The following CRADD variants were observed in gnomAD, a reference collection of about 807,000 sequenced individuals.
The protein encoded by CRADD is CARD and death domain containing adaptor protein, also known as death domain-containing protein CRADD.
In CRADD, 9 loss-of-function variants were observed where a neutral mutation model predicts 15.5. The observed-to-expected ratio is 0.58, with a 90% CI of 0.35 to 1.01. The LOEUF is 1.01. Ranked by LOEUF, CRADD falls within the 50% of genes least tolerant of loss-of-function variation. The probability of loss-of-function intolerance (pLI) is 0.02; values close to 1 mark genes in which losing one functional copy is unlikely to be tolerated. For missense variants in CRADD, 227 were observed against 250.3 expected, an observed-to-expected ratio of 0.91 and a Z score of 0.63; for synonymous variants, 118 against 107.6, an observed-to-expected ratio of 1.10 and a Z score of -0.60.
chr12:93,807,963 A>T (rs535248398), intron 2 of CRADD, among the ~76,000 whole-genome samples: 1 of 131,294 alleles, frequency 7.6e-6, no homozygotes, highest in Admixed American at 8.8e-5. Context: ...GGTATGTTAG[A>T]AGATGGTAAG....
intron 2 of CRADD, among the ~76,000 whole-genome samples, chr12:93,827,558 C>G (rs975817880): frequency 6.6e-6 from 1 of 152,110 alleles, no homozygotes; most frequent in East Asian, 1.9e-4. Flanking sequence ...TTTCTTTTCT[C>G]TTTATTAAAC....
At chr12:93,731,872 C>T (rs554274375) in intron 2 of CRADD, among the ~76,000 whole-genome samples, 4 of 152,294 alleles carry the variant, frequency 2.6e-5, no homozygotes, top group African/African-American at 7.2e-5. Context: ...TGTGGTGGCT[C>T]ACGCCTGTAA....
intron 2 of CRADD, among the ~76,000 whole-genome samples, chr12:93,765,577 G>A (rs556900104): frequency 3.4e-4 from 52 of 152,280 alleles, no homozygotes; most frequent in South Asian, 1.9e-3. Context: ...TATTGAGGGT[G>A]AGAGGGCATG....
chr12:93,803,654 C>A (rs1014780322), intron 2 of CRADD, among the ~76,000 whole-genome samples: 1 of 151,536 alleles, frequency 6.6e-6, no homozygotes, highest in African/African-American at 2.4e-5. Flanking sequence ...TTACTTCCAG[C>A]TGAAATGGAA....
intron 2 of CRADD, among the ~76,000 whole-genome samples, chr12:93,790,025 T>C (rs777498016): frequency 1.3e-5 from 2 of 152,154 alleles, no homozygotes; most frequent in Non-Finnish European, 2.9e-5. Context: ...ACTGCCTCTG[T>C]AAATGGAACA....
chr12:93,798,834 A>G (rs1957447798), intron 2 of CRADD, among the ~76,000 whole-genome samples: 1 of 152,216 alleles, frequency 6.6e-6, no homozygotes, highest in Non-Finnish European at 1.5e-5. Flanking sequence ...CGAGGAAAGC[A>G]GGCCAAGAAG....
At chr12:93,681,890 T>C (rs1186595437) in intron 2 of CRADD, among the ~76,000 whole-genome samples, 3 of 152,172 alleles carry the variant, frequency 2.0e-5, no homozygotes, top group Non-Finnish European at 2.9e-5. Context: ...TATGTATATA[T>C]GTATATAGAG....
chr12:93,873,771 G>C (rs989319812), intron 2 of CRADD, among the ~76,000 whole-genome samples: 3 of 151,960 alleles, frequency 2.0e-5, no homozygotes, highest in African/African-American at 7.2e-5. Context: ...CCATTTGATC[G>C]TGATGAATGA....
intron 2 of CRADD, among the ~76,000 whole-genome samples, chr12:93,709,467 A>G (rs1247670438): frequency 2.0e-5 from 3 of 152,076 alleles, no homozygotes; most frequent in Non-Finnish European, 4.4e-5. Context: ...TTGTATTCAT[A>G]TGTTCTTACC....
intron 2 of CRADD, among the ~76,000 whole-genome samples, chr12:93,721,081 T>C (rs1201662073): frequency 6.6e-6 from 1 of 152,202 alleles, no homozygotes; most frequent in Non-Finnish European, 1.5e-5. Flanking sequence ...TTGTAACATA[T>C]AAAGTATACT....
In CRADD at chr12:93,839,547, C is replaced by T. The variant is rs984794504; in HGVS notation, c.299-10423C>T. Among the ~76,000 whole-genome samples, 6 of 152,148 alleles carry T rather than the reference C, an allele frequency of 3.9e-5. No individual in the cohort carries two copies. The East Asian group carries it at 9.6e-4, about 24-fold the overall frequency. ...CAACTTGCTGGCCAGTACGACTGTCCGATCTTTATTTCCATTGGCGGTGAA... is the reference window on the plus strand; with the variant it reads ...CAACTTGCTGGCCAGTACGACTGTCTGATCTTTATTTCCATTGGCGGTGAA... On this transcript the variant is annotated intron_variant, in intron 2 of 2. Coordinates refer to ENST00000332896, the MANE Select transcript of CRADD (RefSeq NM_003805.5).
intron 2 of CRADD, among the ~76,000 whole-genome samples, chr12:93,690,151 A>T (rs1241870379): frequency 6.6e-6 from 1 of 152,214 alleles, no homozygotes; most frequent in Non-Finnish European, 1.5e-5. Context: ...TCAAGTTTCT[A>T]CACTGTACCT....
chr12:93,891,750 G>A (rs1396943051), intron 2 of CRADD, among the ~76,000 whole-genome samples: 2 of 152,182 alleles, frequency 1.3e-5, no homozygotes, highest in Non-Finnish European at 2.9e-5. Flanking sequence ...GGTTCAGTAA[G>A]CTGTCATAGC....
chr12:93,810,551 CAAAAAAAAAAAAAAAAAAAAAAAAAAAA>C lies in CRADD; in HGVS notation c.299-39406_299-39379del, dbSNP rs56689824. On this transcript the variant is annotated intron_variant, in intron 2 of 2. Coordinates refer to ENST00000332896, the MANE Select transcript of CRADD (RefSeq NM_003805.5). ...GGGCAACAAGAGCGCAAATCAGTCTCAAAAAAAAAAAAAAAAAAAAAAAAAAAAAAAAAAAAAAAAGAATAGGGAATTT... is the reference window on the plus strand; with the variant it reads ...GGGCAACAAGAGCGCAAATCAGTCTCAAAAAAAAAAAAGAATAGGGAATTT... Among the ~76,000 whole-genome samples, 3 of 39,028 alleles carry C rather than the reference CAAAAAAAAAAAAAAAAAAAAAAAAAAAA, an allele frequency of 7.7e-5. 1 individual carries two copies. Among genetic ancestry groups the C allele is most frequent in the African/African-American group, 1.8e-4 (2 of 10,842 alleles). 25.6% of individuals were successfully genotyped at this position (39,028 alleles called of 152,430 possible).
At chr12:93,791,134 G>T (rs1957344697) in intron 2 of CRADD, among the ~76,000 whole-genome samples, 1 of 152,066 alleles carries the variant, frequency 6.6e-6, no homozygotes, top group South Asian at 2.1e-4. Flanking sequence ...ACTAAAAATG[G>T]AACTATCGTA....
intron 2 of CRADD, among the ~76,000 whole-genome samples, chr12:93,700,000 A>G (rs756063788): frequency 6.6e-6 from 1 of 152,174 alleles, no homozygotes; most frequent in Non-Finnish European, 1.5e-5. Flanking sequence ...AAGGGAATAA[A>G]GTAGGGAGTG....
chr12:93,775,181 A>G (rs183694546), intron 2 of CRADD, among the ~76,000 whole-genome samples: 13 of 152,364 alleles, frequency 8.5e-5, no homozygotes, highest in Admixed American at 8.5e-4. Context: ...CCAGTAAATG[A>G]TTAATAAAAT....
chr12:93,843,475 A>T (rs533140700), intron 2 of CRADD, among the ~76,000 whole-genome samples: 23 of 147,452 alleles, frequency 1.6e-4, no homozygotes, highest in Admixed American at 2.0e-4. Flanking sequence ...CGCCTCCCAG[A>T]GTCAAACAAT....
In CRADD at chr12:93,678,791, A is replaced by G; in HGVS notation, c.17A>G (p.Lys6Arg). 1.2e-6 allele frequency: 2 copies of G among 1,612,688 alleles called. No individual in the cohort carries two copies. The highest frequency in any genetic ancestry group is 1.7e-6 in the Non-Finnish European group (2 of 1,179,052). MEARD[K>R]QVLRSLRLEL... is the part of the protein sequence containing the mutation. ...CAGGGAGAAATGGAGGCCAGAGACA[A>G]ACAAGTACTCCGCTCACTTCGCCTG... The change falls in exon 2 of 3, where the codon AAA becomes AGA. Residue 6 changes from lysine to arginine, a missense_variant. Physicochemically the swap from Lys to Arg is conservative, Grantham distance 26 (BLOSUM62 2). Transcript: ENST00000332896.
Sources: gnomAD v4.1 joint callset for allele counts (sites outside exome capture counted in the v4.1 genomes callset) on GRCh38, gnomAD v4.1.1 for gene constraint, MANE v1.5 for transcripts, NCBI Gene and HGNC (gene_info 2026-07-23, HGNC 2026-07-21) for gene names.